Variants in MYOF observed in about 807,000 individuals in gnomAD.
The protein encoded by MYOF is fer-1-like 3, myoferlin.
A neutral mutation model predicts 284.2 loss-of-function variants in MYOF; 244 were observed. That is an observed-to-expected ratio of 0.86 (90% confidence interval 0.77 to 0.95). MYOF has a LOEUF of 0.95. Ranked by LOEUF, MYOF falls within the 40% of genes least tolerant of loss-of-function variation. The pLI, the probability that MYOF is intolerant of heterozygous loss-of-function variation, is 0.00. For missense variants in MYOF, 2,496 were observed against 2,560.6 expected (o/e 0.97, Z 0.54); for synonymous variants, 904 against 919.7 (o/e 0.98, Z 0.31).
intron 41 of MYOF, among the ~76,000 whole-genome samples, chr10:93,334,458 T>C (rs1198988909): frequency 1.3e-5 from 2 of 152,064 alleles, no homozygotes; most frequent in Non-Finnish European, 2.9e-5. Flanking sequence ...AGCACTGGCC[T>C]CTGCATTGAG....
chr10:93,353,517 G>A (rs777550324), intron 32 of MYOF, among the ~76,000 whole-genome samples: 1 of 151,978 alleles, frequency 6.6e-6, no homozygotes, highest in African/African-American at 2.4e-5. Flanking sequence ...ACACAGCCAT[G>A]TATATAAACA....
Position 93,355,778 on chromosome 10 carries a change from A to G in MYOF, c.3295-42T>C, listed in dbSNP as rs371621408. ...GAGTCAATTAGCAGAGAAGTCAATA[A>G]ACACTGCCTAAAAGCAAATCAACCA... On this transcript the variant is annotated intron_variant, in intron 30 of 53. Transcript: ENST00000359263. 3.9e-5 allele frequency: 57 copies of G among 1,464,244 alleles called. No homozygotes were observed. In the African/African-American group the frequency reaches 7.8e-4, roughly 20 times the overall value. 90.7% of individuals were successfully genotyped at this position (1,464,244 alleles called of 1,614,324 possible). A position where few individuals can be genotyped will look rare whatever the true frequency, so the allele number is the denominator to read the frequency against.
Position 93,378,681 on chromosome 10 carries a change from A to ATGTGTGTG in MYOF, c.2001+1174_2001+1181dup, listed in dbSNP as rs142030025. Among the ~76,000 whole-genome samples, 233 of 99,102 alleles carry ATGTGTGTG rather than the reference A, an allele frequency of 2.4e-3. 9 individuals carry two copies. Among genetic ancestry groups the ATGTGTGTG allele is most frequent in the East Asian group, 0.01 (17 of 1,688 alleles). The allele number at this position is 99,102 out of a possible 152,430, so 65.0% of individuals were successfully genotyped here. On this transcript the variant is annotated intron_variant, in intron 21 of 53. Coordinates refer to ENST00000359263, the MANE Select transcript of MYOF (RefSeq NM_013451.4). ...AGTATATGTGTATATGTGTGTGTGT[A>ATGTGTGTG]TGTGTGTGTGTGTATATATATATAT...
chr10:93,344,445 T>G (rs1361891951), intron 37 of MYOF, among the ~76,000 whole-genome samples: 1 of 152,122 alleles, frequency 6.6e-6, no homozygotes, highest in African/African-American at 2.4e-5. Context: ...TGTACCACTC[T>G]GCATGCCTTT....
chr10:93,307,122 A>C, intron 53 of MYOF, 121 bp from the exon 54 acceptor site: 1 of 894,940 alleles, frequency 1.1e-6, no homozygotes, highest in Non-Finnish European at 1.7e-6. Context: ...CTTGTTGGGG[A>C]GTGTCCTGTG....
chr10:93,337,043 T>G (rs1843649089), intron 40 of MYOF, among the ~76,000 whole-genome samples: 1 of 151,798 alleles, frequency 6.6e-6, no homozygotes, highest in Admixed American at 6.6e-5. Context: ...TCAGCCTCAT[T>G]GGATCATTTT....
chr10:93,308,263 A>G (rs1413208905), intron 53 of MYOF, among the ~76,000 whole-genome samples: 2 of 150,522 alleles, frequency 1.3e-5, no homozygotes, highest in Non-Finnish European at 3.0e-5. Context: ...AAAAATAAAA[A>G]AAATAGAAGT....
chr10:93,464,524 T>G (rs574081736), intron 1 of MYOF, among the ~76,000 whole-genome samples: 3 of 152,206 alleles, frequency 2.0e-5, no homozygotes, highest in Non-Finnish European at 4.4e-5. Context: ...AAAGCACAGA[T>G]GTCGGCCCAG....
chr10:93,427,340 G>T (rs1364710591), intron 4 of MYOF, among the ~76,000 whole-genome samples: 1 of 151,620 alleles, frequency 6.6e-6, no homozygotes, highest in Admixed American at 6.6e-5. Context: ...AGACCAGCTT[G>T]GCCAACACAG....
chr10:93,422,765 C>T (rs183768851), intron 5 of MYOF, among the ~76,000 whole-genome samples: 3 of 152,180 alleles, frequency 2.0e-5, no homozygotes, highest in East Asian at 1.9e-4. Context: ...CACTGCACTC[C>T]GGCCTGGGTG....
chr10:93,312,960 C>G, intron 51 of MYOF, 60 bp downstream of exon 51: 1 of 1,513,418 alleles, frequency 6.6e-7, no homozygotes, highest in Non-Finnish European at 8.9e-7. Flanking sequence ...GGATAAAGGG[C>G]AAAACCTAAA....
At chr10:93,403,673 T>C (rs931623953) in intron 9 of MYOF, among the ~76,000 whole-genome samples, 1 of 152,212 alleles carries the variant, frequency 6.6e-6, no homozygotes, top group African/African-American at 2.4e-5. Flanking sequence ...GAATTTACCA[T>C]AATTGGCTTT....
intron 1 of MYOF, among the ~76,000 whole-genome samples, chr10:93,466,926 C>A (rs1052412437): frequency 1.3e-5 from 2 of 152,006 alleles, no homozygotes; most frequent in Non-Finnish European, 2.9e-5. Context: ...TGCAGTGGGC[C>A]GTGATCAGGC....
intron 4 of MYOF, among the ~76,000 whole-genome samples, chr10:93,430,950 A>C (rs1432355702): frequency 6.6e-6 from 1 of 151,770 alleles, no homozygotes; most frequent in Non-Finnish European, 1.5e-5. Context: ...CTAATTACCA[A>C]TTGATACCTT....
chr10:93,376,719 T>C (rs1172722201), intron 22 of MYOF, among the ~76,000 whole-genome samples: 1 of 152,152 alleles, frequency 6.6e-6, no homozygotes, highest in Non-Finnish European at 1.5e-5. Context: ...TTGGAACGAA[T>C]CACTTCCCCC....
In MYOF at chr10:93,320,796, T is replaced by C. The variant is rs538452521; in HGVS notation, c.5457-783A>G. 9.9e-5 allele frequency among the ~76,000 whole-genome samples: 15 copies of C among 152,274 alleles called. 1 individual carries two copies. In the South Asian group the frequency reaches 3.1e-3, roughly 32 times the overall value. On this transcript the variant is annotated intron_variant, in intron 48 of 53. Transcript: ENST00000359263. ...CACTGTCAAAGCAATAGAGAGCGCA[T>C]GGTTTTCTCGAAACTGCACATTAGA... is the stretch of plus-strand genomic sequence containing the variant.
intron 10 of MYOF, among the ~76,000 whole-genome samples, 192 bp downstream of exon 10, chr10:93,402,667 AT>A (rs1847354633): frequency 6.6e-6 from 1 of 152,122 alleles, no homozygotes; most frequent in Non-Finnish European, 1.5e-5. Flanking sequence ...AAAATTAGAC[AT>A]TTTTTCTAAG....
chr10:93,439,484 T>C (rs191562092), intron 3 of MYOF, among the ~76,000 whole-genome samples: 8 of 152,336 alleles, frequency 5.3e-5, no homozygotes, highest in Admixed American at 4.6e-4. Context: ...AGTAGTTTTT[T>C]CATCCATCCA....
At chr10:93,341,935 A>G (rs1843938739) in intron 38 of MYOF, 1 of 1,289,776 alleles carries the variant, frequency 7.8e-7, no homozygotes. Flanking sequence ...TGGAGAAGCC[A>G]TTTTGCTGAG....
Sources: gnomAD v4.1 joint callset for allele counts (sites outside exome capture counted in the v4.1 genomes callset) on GRCh38, gnomAD v4.1.1 for gene constraint, MANE v1.5 for transcripts, NCBI Gene and HGNC (gene_info 2026-07-23, HGNC 2026-07-21) for gene names.